The following AKT3 variants were observed in gnomAD, a reference collection of about 807,000 sequenced individuals.
AKT3 encodes AKT serine/threonine kinase 3.
AKT3 carries 15 observed loss-of-function variants against 65.3 expected under a neutral mutation model. The ratio of observed to expected loss-of-function variants is 0.23; its 90% CI spans 0.15 to 0.35. The LOEUF (loss-of-function observed/expected upper bound fraction) is 0.35. Ranked by LOEUF, AKT3 falls within the 10% of genes least tolerant of loss-of-function variation. The pLI, the probability that AKT3 is intolerant of heterozygous loss-of-function variation, is 1.00. For missense variants in AKT3, 243 were observed against 576.5 expected, an observed-to-expected ratio of 0.42 and a Z score of 5.92; for synonymous variants, 206 against 183.8, an observed-to-expected ratio of 1.12 and a Z score of -0.98.
At chr1:243,572,845 T>C in intron 9 of AKT3, 81 bp downstream of exon 9, 1 of 1,371,270 alleles carries the variant, frequency 7.3e-7, no homozygotes, top group Non-Finnish European at 9.7e-7. Flanking sequence ...TTCTCAAAAC[T>C]GTATAACTTT....
intron 8 of AKT3, among the ~76,000 whole-genome samples, chr1:243,609,689 T>C (rs1338071621): frequency 6.6e-6 from 1 of 152,074 alleles, no homozygotes. Context: ...TATTAAATAA[T>C]ACTTATCTAT....
At chr1:243,732,182 A>T (rs1273778958) in intron 2 of AKT3, among the ~76,000 whole-genome samples, 1 of 152,190 alleles carries the variant, frequency 6.6e-6, no homozygotes, top group Non-Finnish European at 1.5e-5. Context: ...CAAGCTCTGC[A>T]GCCAAGAGCC....
chr1:243,709,780 G>C (rs982133865), intron 2 of AKT3, among the ~76,000 whole-genome samples: 21 of 151,872 alleles, frequency 1.4e-4, no homozygotes, highest in African/African-American at 4.8e-4. Context: ...AAGATGCCAG[G>C]AAACAACAAC....
At chr1:243,833,643 C>T (rs560712380) in intron 2 of AKT3, among the ~76,000 whole-genome samples, 1 of 152,136 alleles carries the variant, frequency 6.6e-6, no homozygotes, top group African/African-American at 2.4e-5. Flanking sequence ...GTCAAAATAA[C>T]AACAGGTGAC....
At chr1:243,638,013 GAA>G (rs1475197550) in intron 5 of AKT3, among the ~76,000 whole-genome samples, 1 of 151,934 alleles carries the variant, frequency 6.6e-6, no homozygotes, top group East Asian at 1.9e-4. Context: ...GGCAAAGGAG[GAA>G]AAAAATTATT....
intron 10 of AKT3, 40 bp downstream of exon 10, chr1:243,563,680 A>C: frequency 6.4e-7 from 1 of 1,563,990 alleles, no homozygotes; most frequent in Non-Finnish European, 8.6e-7. Flanking sequence ...GCAAATCATT[A>C]TGTCAATGTT....
chr1:243,816,506 T>C (rs1291889212), intron 2 of AKT3, among the ~76,000 whole-genome samples: 2 of 152,142 alleles, frequency 1.3e-5, no homozygotes, highest in African/African-American at 4.8e-5. Context: ...AACTATTATT[T>C]ATATTCTGAG....
intron 11 of AKT3, among the ~76,000 whole-genome samples, chr1:243,547,169 C>T (rs1184243636): frequency 1.3e-5 from 2 of 151,672 alleles, no homozygotes; most frequent in Non-Finnish European, 3.0e-5. Context: ...TGGCCAGTTT[C>T]GAGCTACCAA....
intron 2 of AKT3, among the ~76,000 whole-genome samples, chr1:243,700,171 C>A: frequency 6.6e-6 from 1 of 152,340 alleles, no homozygotes; most frequent in Non-Finnish European, 1.5e-5. Flanking sequence ...CTACTACTTA[C>A]TCATTGAGTT....
chr1:243,758,907 TAG>T (rs1689315109), intron 2 of AKT3, among the ~76,000 whole-genome samples: 1 of 152,162 alleles, frequency 6.6e-6, no homozygotes, highest in South Asian at 2.1e-4. Context: ...TAGAGTCCTA[TAG>T]ATTCCTGAAA....
At chr1:243,644,201 T>C (rs997462298) in intron 5 of AKT3, among the ~76,000 whole-genome samples, 3 of 152,254 alleles carry the variant, frequency 2.0e-5, no homozygotes, top group African/African-American at 7.2e-5. Flanking sequence ...AATGAAGTTA[T>C]ATTAGAAACA....
chr1:243,587,429 A>G (rs1478510027), intron 8 of AKT3, among the ~76,000 whole-genome samples: 2 of 152,078 alleles, frequency 1.3e-5, no homozygotes, highest in African/African-American at 4.8e-5. Flanking sequence ...CTGGCAACAC[A>G]GCGAAACCCC....
intron 2 of AKT3, among the ~76,000 whole-genome samples, chr1:243,784,569 T>C (rs1691125304): frequency 6.6e-6 from 1 of 152,208 alleles, no homozygotes; most frequent in African/African-American, 2.4e-5. Context: ...AATTAGAGTC[T>C]GGCCCCTCCG....
chr1:243,642,599 A>G (rs10927049), intron 5 of AKT3, among the ~76,000 whole-genome samples: 40,089 of 151,962 alleles, frequency 0.26, 6,041 homozygotes, highest in African/African-American at 0.41. Context: ...GTGAGCCACC[A>G]CGCCCAGCCA....
intron 4 of AKT3, among the ~76,000 whole-genome samples, chr1:243,652,507 A>T (rs992648354): frequency 3.3e-5 from 5 of 152,100 alleles, no homozygotes; most frequent in Non-Finnish European, 5.9e-5. Flanking sequence ...CTAAATTGAA[A>T]AGACCATCAA....
chr1:243,715,746 G>T (rs903349250), intron 2 of AKT3, among the ~76,000 whole-genome samples: 1 of 151,952 alleles, frequency 6.6e-6, no homozygotes, highest in East Asian at 1.9e-4. Flanking sequence ...AGGTTCAAAG[G>T]TGTTACCAAA....
At chr1:243,834,143 G>C (rs1694731503) in intron 2 of AKT3, among the ~76,000 whole-genome samples, 1 of 151,956 alleles carries the variant, frequency 6.6e-6, no homozygotes, top group Non-Finnish European at 1.5e-5. Context: ...ATTAGACCCA[G>C]CAATTCCATT....
At chr1:243,525,763 AAAAGTAAGAAAG>A (rs1671003353) in intron 12 of AKT3, among the ~76,000 whole-genome samples, 1 of 28,580 alleles carries the variant, frequency 3.5e-5, no homozygotes, top group Non-Finnish European at 6.2e-5. Flanking sequence ...GACAACTTCC[AAAAGTAAGAAAG>A]AAAGAAAGAA....
intron 2 of AKT3, among the ~76,000 whole-genome samples, chr1:243,734,703 T>G (rs1438835562): frequency 6.6e-6 from 1 of 152,198 alleles, no homozygotes; most frequent in African/African-American, 2.4e-5. Flanking sequence ...ACCGTACACT[T>G]AGGCTACAAT....
Sources: gnomAD v4.1 joint callset for allele counts (sites outside exome capture counted in the v4.1 genomes callset) on GRCh38, gnomAD v4.1.1 for gene constraint, MANE v1.5 for transcripts, NCBI Gene and HGNC (gene_info 2026-07-23, HGNC 2026-07-21) for gene names.